Variants in SDK1 observed in about 807,000 individuals in gnomAD.
SDK1 encodes the protein protein sidekick-1.
A neutral mutation model predicts 245.5 loss-of-function variants in SDK1; 157 were observed. The ratio of observed to expected loss-of-function variants is 0.64; its 90% CI spans 0.56 to 0.73. The LOEUF is 0.73. Ranked by LOEUF, SDK1 falls within the 30% of genes least tolerant of loss-of-function variation. SDK1 has a pLI of 0.00. For synonymous variants in SDK1, 1,647 were observed against 1,278.5 expected, an observed-to-expected ratio of 1.29 and a Z score of -6.15; for missense variants, 3,583 against 3,002.3, an observed-to-expected ratio of 1.19 and a Z score of -4.52.
intron 1 of SDK1, among the ~76,000 whole-genome samples, chr7:3,347,958 G>T (rs1370376897): frequency 3.3e-5 from 5 of 151,848 alleles, no homozygotes; most frequent in Admixed American, 2.6e-4. Flanking sequence ...TTAAGTGTAA[G>T]TATTTTGCTT....
chr7:4,000,930 G>T (rs1785028925), intron 14 of SDK1, among the ~76,000 whole-genome samples: 2 of 152,148 alleles, frequency 1.3e-5, no homozygotes, highest in South Asian at 4.1e-4. Flanking sequence ...GGGGACCATG[G>T]CTGTGTTGGG....
chr7:3,463,517 T>C (rs1780896974), intron 1 of SDK1, among the ~76,000 whole-genome samples: 1 of 152,194 alleles, frequency 6.6e-6, no homozygotes, highest in Non-Finnish European at 1.5e-5. Flanking sequence ...TATACAATAA[T>C]ATAATTGAAT....
At position 3,458,950 on chromosome 7, in the gene SDK1, TGGG is replaced by T. The variant is rs915674956; in HGVS notation, c.298+157069_298+157071del. Among the ~76,000 whole-genome samples the T allele has an allele frequency of 3.9e-5, 6 of 152,302 alleles. No individual in the cohort carries two copies. The East Asian group carries it at 9.6e-4, about 24-fold the overall frequency. The stretch of plus-strand genomic sequence containing the variant: ...CAGGATTGTCTTGATCATTATTTAA[TGGG>T]GGAAAGAGTTTTAAGTTTCCATGTA... On this transcript the variant is annotated intron_variant, in intron 1 of 44. Transcript: ENST00000404826.
At chr7:4,135,264 A>G (rs181260298) in intron 28 of SDK1, among the ~76,000 whole-genome samples, 1 of 152,318 alleles carries the variant, frequency 6.6e-6, no homozygotes, top group African/African-American at 2.4e-5. Flanking sequence ...CCAAGTTTAC[A>G]TGAGGATCTG....
intron 17 of SDK1, among the ~76,000 whole-genome samples, chr7:4,020,662 G>C (rs1786815180): frequency 6.6e-6 from 1 of 152,206 alleles, no homozygotes; most frequent in Non-Finnish European, 1.5e-5. Flanking sequence ...GGCGCAGTGA[G>C]CGTGACGTTT....
Position 4,266,047 on chromosome 7 carries a change from G to A in SDK1, c.*663G>A, listed in dbSNP as rs1788450440. On this transcript the variant is annotated 3_prime_UTR_variant, in exon 45 of 45. Transcript: ENST00000404826. The stretch of plus-strand genomic sequence containing the variant: ...CTGTCTGTGTCACTGCAGTGGTGCG[G>A]TCCTCAGGCTTTTCTGCCTGTCTTT... 2 of 985,344 alleles carry A rather than the reference G, an allele frequency of 2.0e-6. No individual in the cohort carries two copies. The highest frequency in any genetic ancestry group is 2.4e-6 in the Non-Finnish European group (2 of 829,946). 61.0% of individuals were successfully genotyped at this position (985,344 alleles called of 1,614,324 possible).
intron 1 of SDK1, among the ~76,000 whole-genome samples, chr7:3,550,997 A>G (rs907953195): frequency 6.6e-6 from 1 of 152,218 alleles, no homozygotes; most frequent in African/African-American, 2.4e-5. Flanking sequence ...TGTTGAGTGA[A>G]CTCAACCAGC....
chr7:3,593,500 C>G (rs927068697), intron 1 of SDK1, among the ~76,000 whole-genome samples: 44 of 152,190 alleles, frequency 2.9e-4, no homozygotes, highest in Non-Finnish European at 5.4e-4. Flanking sequence ...AACATCATTC[C>G]TTTGAAGAAA....
chr7:3,573,096 A>G (rs1480744223), intron 1 of SDK1, among the ~76,000 whole-genome samples: 2 of 152,058 alleles, frequency 1.3e-5, no homozygotes, highest in African/African-American at 4.8e-5. Context: ...TCAGTTTGCT[A>G]TGAAAATGTC....
rs537581889 is a variant in SDK1, at chr7:3,594,073, C to T, written c.299-25007C>T. On this transcript the variant is annotated intron_variant, in intron 1 of 44. Coordinates refer to ENST00000404826, the MANE Select transcript of SDK1 (RefSeq NM_152744.4). ...AATTTTAGAACATCCCCAAAAGAAA[C>T]CATGTACCTACTAGGAGTCACTCTC... Among the ~76,000 whole-genome samples the T allele has an allele frequency of 1.0e-3, 157 of 152,252 alleles. 1 individual carries two copies. The highest frequency in any genetic ancestry group is 1.7e-3 in the Non-Finnish European group (116 of 68,032).
At chr7:4,109,585 C>T (rs1301831645) in intron 22 of SDK1, among the ~76,000 whole-genome samples, 1 of 152,224 alleles carries the variant, frequency 6.6e-6, no homozygotes, top group African/African-American at 2.4e-5. Context: ...CTTGGGTCCC[C>T]CAGAGCCACA....
rs567432772 is a variant in SDK1 at position 3,567,549 on chromosome 7, G to T, written c.299-51531G>T. On this transcript the variant is annotated intron_variant, in intron 1 of 44. Coordinates refer to ENST00000404826, the MANE Select transcript of SDK1 (RefSeq NM_152744.4). ...CACAGTAAATGGAAAAAAGGTAAAT[G>T]AGGTACATGCTAGTCATTGCTAACA... Among the ~76,000 whole-genome samples, 9 of 152,340 alleles carry T rather than the reference G, an allele frequency of 5.9e-5. No individual in the cohort carries two copies. In the South Asian group the frequency reaches 1.7e-3, roughly 28 times the overall value.
At chr7:3,528,522 G>T (rs1188430718) in intron 1 of SDK1, among the ~76,000 whole-genome samples, 1 of 152,000 alleles carries the variant, frequency 6.6e-6, no homozygotes, top group Non-Finnish European at 1.5e-5. Flanking sequence ...GGCTGTAAGC[G>T]TGTTTGCATT....
At chr7:3,417,011 A>G (rs1306362459) in intron 1 of SDK1, among the ~76,000 whole-genome samples, 1 of 152,002 alleles carries the variant, frequency 6.6e-6, no homozygotes, top group African/African-American at 2.4e-5. Context: ...TGTCTCTACT[A>G]AAAAATACAA....
Position 4,205,891 on chromosome 7 carries a change from C to G in SDK1, c.5111C>G (p.Ala1704Gly), listed in dbSNP as rs1382204536. ...GCTCTTTCCTCAGCCCCGGCCATGG[C>G]CCCGCAGAACGTGCAGGTGACCCCA... is the stretch of plus-strand genomic sequence containing the variant. ...VFVGEAAPAMAPQNVQVTPLT... is the reference protein window; with the variant it reads ...VFVGEAAPAMGPQNVQVTPLT... Residue 1704 changes from alanine to glycine, a missense_variant, in exon 36 of 45, where the codon GCC becomes GGC. Ala to Gly is a moderately conservative substitution (Grantham distance 60, BLOSUM62 0). Coordinates refer to ENST00000404826, the MANE Select transcript of SDK1 (RefSeq NM_152744.4). 6.4e-7 allele frequency: 1 copy of G among 1,554,366 alleles called. No individual in the cohort carries two copies. The highest frequency in any genetic ancestry group is 8.7e-7 in the Non-Finnish European group (1 of 1,148,412).
chr7:3,742,313 A>T (rs573126162), intron 4 of SDK1, among the ~76,000 whole-genome samples: 2 of 152,224 alleles, frequency 1.3e-5, no homozygotes, highest in South Asian at 4.1e-4. Context: ...TAAGAAAAAG[A>T]CACAAGATGA....
chr7:3,358,412 T>TA (rs1370673128), intron 1 of SDK1, among the ~76,000 whole-genome samples: 3 of 151,574 alleles, frequency 2.0e-5, no homozygotes, highest in Admixed American at 2.0e-4. Flanking sequence ...TTGGAGCAAT[T>TA]AGCTAATCAT....
intron 1 of SDK1, among the ~76,000 whole-genome samples, chr7:3,468,877 C>G: frequency 6.6e-6 from 1 of 152,188 alleles, no homozygotes; most frequent in South Asian, 2.1e-4. Flanking sequence ...TCATTGTCCT[C>G]TCATCAGTGA....
chr7:3,861,338 C>G (rs191659754), intron 5 of SDK1, among the ~76,000 whole-genome samples: 3 of 152,284 alleles, frequency 2.0e-5, no homozygotes, highest in African/African-American at 7.2e-5. Context: ...TTTGTTTAAG[C>G]AAAATTCGCT....
Sources: allele counts gnomAD v4.1 joint callset (sites outside exome capture counted in the v4.1 genomes callset), GRCh38; gene constraint gnomAD v4.1.1; transcripts MANE v1.5; gene names NCBI Gene and HGNC (gene_info 2026-07-23, HGNC 2026-07-21).